RGL1: variants seen among roughly 807,000 people sequenced by gnomAD.
RGL1 encodes the protein ral guanine nucleotide dissociation stimulator-like 1.
Under a neutral mutation model 95.2 loss-of-function variants are expected in RGL1, and 24 were observed. The ratio of observed to expected loss-of-function variants is 0.25; its 90% CI spans 0.18 to 0.35. The LOEUF is 0.35. Ranked by LOEUF, RGL1 falls within the 10% of genes least tolerant of loss-of-function variation. The pLI is 1.00. For synonymous variants in RGL1, 329 were observed against 344.9 expected (o/e 0.95, Z 0.51); for missense variants, 715 against 936.3 (o/e 0.76, Z 3.08).
intron 1 of RGL1, among the ~76,000 whole-genome samples, chr1:183,710,850 C>T (rs1258932737): frequency 2.0e-5 from 3 of 152,136 alleles, no homozygotes; most frequent in African/African-American, 7.2e-5. Context: ...ACCATATCAC[C>T]AGGATCACAG....
chr1:183,781,089 T>C (rs1003117327), intron 2 of RGL1, among the ~76,000 whole-genome samples: 1 of 152,228 alleles, frequency 6.6e-6, no homozygotes. Flanking sequence ...TATGGATAGC[T>C]AGGACATTTT....
In RGL1 at chr1:183,846,172, A is replaced by G. The variant is rs144370772; in HGVS notation, c.139-1394A>G. 4.7e-4 allele frequency among the ~76,000 whole-genome samples: 71 copies of G among 152,376 alleles called. 1 individual carries two copies. The highest frequency in any genetic ancestry group is 1.6e-3 in the African/African-American group (68 of 41,588). On this transcript the variant is annotated intron_variant, in intron 2 of 17. Transcript: ENST00000360851. The stretch of plus-strand genomic sequence containing the variant: ...TGCCCATCAGTGATAGACTGGATAA[A>G]GAAAATGAGGCACATATACACCATG...
intron 1 of RGL1, among the ~76,000 whole-genome samples, chr1:183,639,628 A>T (rs1649779341): frequency 6.6e-6 from 1 of 151,682 alleles, no homozygotes; most frequent in Non-Finnish European, 1.5e-5. Context: ...ACATAATTTT[A>T]TGATTACACA....
intron 6 of RGL1, 66 bp downstream of exon 6, chr1:183,883,976 C>T (rs866725325): frequency 1.3e-6 from 2 of 1,536,380 alleles, no homozygotes; most frequent in Non-Finnish European, 9.0e-7. Context: ...GGCACTGGTG[C>T]CCCGGTGACA....
chr1:183,642,261 A>G (rs12048309), intron 1 of RGL1, among the ~76,000 whole-genome samples: 10,453 of 152,182 alleles, frequency 0.069, 630 homozygotes, highest in African/African-American at 0.16. Flanking sequence ...TGGTAAATAA[A>G]CCCTTTACTT....
At chr1:183,816,139 G>A (rs755102026) in intron 2 of RGL1, among the ~76,000 whole-genome samples, 2 of 151,918 alleles carry the variant, frequency 1.3e-5, no homozygotes, top group Non-Finnish European at 2.9e-5. Context: ...ATTATTCCTC[G>A]GGCTCCAACA....
chr1:183,778,136 G>A (rs1337940997), intron 2 of RGL1, among the ~76,000 whole-genome samples: 1 of 152,132 alleles, frequency 6.6e-6, no homozygotes, highest in Non-Finnish European at 1.5e-5. Context: ...CACCTCACTG[G>A]TTGTGACTTT....
At chr1:183,906,946 T>C (rs1668364974) in intron 13 of RGL1, 66 bp from the exon 14 acceptor site, 1 of 874,750 alleles carries the variant, frequency 1.1e-6, no homozygotes, top group Non-Finnish European at 1.9e-6. Flanking sequence ...CAGGACATCA[T>C]GTGAATTTAA....
At position 183,805,429 on chromosome 1, in the gene RGL1, G is replaced by A. The variant is rs1470360330; in HGVS notation, c.27+105G>A. The A allele has an allele frequency of 2.0e-4, 190 of 965,330 alleles. 1 individual carries two copies. Among genetic ancestry groups the A allele is most frequent in the Non-Finnish European group, 2.0e-5 (12 of 610,326 alleles). The allele number at this position is 965,330 out of a possible 1,614,324, so 59.8% of individuals were successfully genotyped here. ...TCCCTCGGAGTGAACGGAGCAATCC[G>A]ATTCCATACTTGTGAGCTAAAGCTC... On this transcript the variant is annotated intron_variant, in intron 1 of 17. Transcript: ENST00000360851.
chr1:183,758,419 G>A (rs1468459678), intron 2 of RGL1, among the ~76,000 whole-genome samples: 6 of 151,976 alleles, frequency 3.9e-5, no homozygotes, highest in East Asian at 1.9e-4. Flanking sequence ...GGATGGTCTC[G>A]ATCTCCTGAC....
intron 4 of RGL1, among the ~76,000 whole-genome samples, chr1:183,869,376 AGAACTCCCCTGAGGGGTCCATCCTCT>A (rs1666030074): frequency 6.6e-6 from 1 of 152,250 alleles, no homozygotes; most frequent in South Asian, 2.1e-4. Context: ...AGCTTCACAC[AGAACTCCCCTGAGGGGTCCATCCTCT>A]GGGGACAATG....
intron 1 of RGL1, among the ~76,000 whole-genome samples, chr1:183,665,857 CA>C: frequency 6.6e-6 from 1 of 152,086 alleles, no homozygotes; most frequent in Admixed American, 6.5e-5. Flanking sequence ...TGATTTTCTC[CA>C]TTGTTTTTCT....
intron 1 of RGL1, among the ~76,000 whole-genome samples, chr1:183,637,830 A>G (rs773069892): frequency 6.6e-6 from 1 of 152,206 alleles, no homozygotes; most frequent in Non-Finnish European, 1.5e-5. Flanking sequence ...TATTTATTTT[A>G]AAAAGCCATA....
At chr1:183,678,458 T>G (rs911307719) in intron 1 of RGL1, among the ~76,000 whole-genome samples, 3 of 152,236 alleles carry the variant, frequency 2.0e-5, no homozygotes, top group African/African-American at 7.2e-5. Context: ...TAACATAGTC[T>G]ATTACTAAAA....
exon 2 of RGL1, chr1:183,742,286 G>T (rs1558182924): frequency 6.2e-7 from 1 of 1,613,984 alleles, no homozygotes; most frequent in East Asian, 2.2e-5. Flanking sequence ...TAAAGACAGA[G>T]GAGGTAAGAT....
chr1:183,925,087 G>A (rs1003122341), intron 17 of RGL1, among the ~76,000 whole-genome samples: 5 of 152,190 alleles, frequency 3.3e-5, no homozygotes, highest in African/African-American at 1.2e-4. Context: ...AATTACAGAT[G>A]TCTAGTTGGG....
intron 2 of RGL1, among the ~76,000 whole-genome samples, chr1:183,778,942 C>T (rs185518054): frequency 6.6e-6 from 1 of 152,252 alleles, no homozygotes; most frequent in Non-Finnish European, 1.5e-5. Context: ...GTGCCAACCC[C>T]CTGGCAGAAT....
chr1:183,891,882 A>G (rs1047672129), intron 8 of RGL1, among the ~76,000 whole-genome samples, 195 bp from the exon 9 acceptor site: 1 of 151,832 alleles, frequency 6.6e-6, no homozygotes, highest in Non-Finnish European at 1.5e-5. Flanking sequence ...AGGGGTGGCC[A>G]AGTCCACCTT....
chr1:183,780,027 ATACT>A (rs1358228672), intron 2 of RGL1, among the ~76,000 whole-genome samples: 1 of 152,320 alleles, frequency 6.6e-6, no homozygotes, highest in Non-Finnish European at 1.5e-5. Flanking sequence ...TTTATATAAA[ATACT>A]TAGTGAGATA....
Sources: gnomAD v4.1 joint callset for allele counts (sites outside exome capture counted in the v4.1 genomes callset) on GRCh38, gnomAD v4.1.1 for gene constraint, MANE v1.5 for transcripts, NCBI Gene and HGNC (gene_info 2026-07-23, HGNC 2026-07-21) for gene names.